Variants in NALCN observed in about 807,000 individuals in gnomAD.
The protein encoded by NALCN is sodium leak channel, non-selective, also known as sodium leak channel NALCN.
A neutral mutation model predicts 225.3 loss-of-function variants in NALCN; 111 were observed. That is an observed-to-expected ratio of 0.49 (90% CI 0.42 to 0.58). The LOEUF (loss-of-function observed/expected upper bound fraction) is 0.58, where lower values mean the gene tolerates loss of function less well. NALCN is among the 20% of genes least tolerant of loss of function. The probability of loss-of-function intolerance (pLI) is 0.00; values close to 1 mark genes in which losing one functional copy is unlikely to be tolerated. For missense variants in NALCN, 1,378 were observed against 2,202.4 expected, an observed-to-expected ratio of 0.63 and a Z score of 7.49; for synonymous variants, 764 against 769.0, an observed-to-expected ratio of 0.99 and a Z score of 0.11.
intron 6 of NALCN, among the ~76,000 whole-genome samples, 174 bp from the exon 7 acceptor site, chr13:101,345,594 G>A (rs1392593369): frequency 1.3e-5 from 2 of 151,612 alleles, no homozygotes; most frequent in South Asian, 2.1e-4. Context: ...GAGCCCAGGG[G>A]TTCGAGGTTG....
chr13:101,081,908 C>T lies in NALCN; in HGVS notation c.3766-262G>A, dbSNP rs1419765895. Among the ~76,000 whole-genome samples the T allele has an allele frequency of 3.3e-5, 5 of 152,068 alleles. No individual in the cohort carries two copies. In the South Asian group the frequency reaches 6.2e-4, roughly 19 times the overall value. The stretch of plus-strand genomic sequence containing the variant: ...ATTATTATTTTTTGAGACTGAGTCT[C>T]GCTCTGTCACCCAGGCTGGAGTGCA... On this transcript the variant is annotated intron_variant, in intron 33 of 43. Transcript: ENST00000251127.
chr13:101,110,806 G>T, intron 19 of NALCN, 118 bp from the exon 20 acceptor site: 2 of 1,012,876 alleles, frequency 2.0e-6, no homozygotes. Flanking sequence ...AAATGCCTAT[G>T]ATTTCTTTTC....
chr13:101,161,626 C>T (rs2139869300), intron 15 of NALCN, among the ~76,000 whole-genome samples: 1 of 152,286 alleles, frequency 6.6e-6, no homozygotes, highest in Non-Finnish European at 1.5e-5. Flanking sequence ...AATCCCAGCA[C>T]TTTGGGAGGC....
chr13:101,283,465 A>C (rs2043235943), intron 10 of NALCN, among the ~76,000 whole-genome samples: 1 of 152,136 alleles, frequency 6.6e-6, no homozygotes, highest in Non-Finnish European at 1.5e-5. Context: ...CCCCACCTGC[A>C]ATCCTTATGT....
chr13:101,213,009 A>G (rs1215672979), intron 13 of NALCN, among the ~76,000 whole-genome samples: 1 of 152,202 alleles, frequency 6.6e-6, no homozygotes, highest in Non-Finnish European at 1.5e-5. Context: ...AGCCAAAAGA[A>G]CAAAGCTGGA....
intron 28 of NALCN, 38 bp from the exon 29 acceptor site, chr13:101,090,004 A>G: frequency 6.2e-7 from 1 of 1,612,766 alleles, no homozygotes; most frequent in South Asian, 1.1e-5. Flanking sequence ...TGAAATTCCA[A>G]TAAGCAGCAC....
At chr13:101,197,058 A>T (rs1405417987) in intron 13 of NALCN, among the ~76,000 whole-genome samples, 1 of 152,148 alleles carries the variant, frequency 6.6e-6, no homozygotes, top group Non-Finnish European at 1.5e-5. Context: ...TGAAAAAAAT[A>T]AAAATGGTGA....
chr13:101,332,878 G>A (rs1488929516), intron 7 of NALCN, among the ~76,000 whole-genome samples: 1 of 152,134 alleles, frequency 6.6e-6, no homozygotes, highest in Non-Finnish European at 1.5e-5. Context: ...CTGTACACAC[G>A]CACACACTCA....
chr13:101,290,257 A>G (rs968364784), intron 9 of NALCN, among the ~76,000 whole-genome samples: 1 of 152,152 alleles, frequency 6.6e-6, no homozygotes, highest in African/African-American at 2.4e-5. Flanking sequence ...CTGTGATTTT[A>G]TACGTGAGAG....
intron 14 of NALCN, among the ~76,000 whole-genome samples, chr13:101,178,655 A>G (rs895041092): frequency 5.3e-5 from 8 of 152,198 alleles, no homozygotes; most frequent in African/African-American, 1.7e-4. Context: ...CGGAAATATG[A>G]GAAGTTTTAA....
intron 7 of NALCN, among the ~76,000 whole-genome samples, chr13:101,337,918 T>C (rs79414268): frequency 0.02 from 3,098 of 152,282 alleles, 114 homozygotes; most frequent in African/African-American, 0.071. Context: ...CATTCTTGCT[T>C]ATCTCATTCT....
intron 18 of NALCN, among the ~76,000 whole-genome samples, 168 bp downstream of exon 18, chr13:101,124,440 A>G (rs1195765749): frequency 1.3e-5 from 2 of 152,212 alleles, no homozygotes; most frequent in Admixed American, 1.3e-4. Context: ...TAGAAATGAC[A>G]TCAATATGTC....
At chr13:101,244,601 T>C (rs1440446264) in intron 11 of NALCN, among the ~76,000 whole-genome samples, 1 of 152,210 alleles carries the variant, frequency 6.6e-6, no homozygotes, top group East Asian at 1.9e-4. Flanking sequence ...GAAATATTCA[T>C]GCCAAAGTGA....
Position 101,104,345 on chromosome 13 carries a change from T to C in NALCN, c.2839A>G (p.Thr947Ala), listed in dbSNP as rs373859316. The C allele has an allele frequency of 3.1e-6, 5 of 1,613,702 alleles. No homozygotes were observed. Among genetic ancestry groups the C allele is most frequent in the Non-Finnish European group, 4.2e-6 (5 of 1,179,820 alleles). Residue 947 changes from threonine (T) to alanine (A), a missense_variant, in exon 25 of 44, where the codon ACT becomes GCT. Thr to Ala is a moderately conservative substitution (Grantham distance 58, BLOSUM62 0). Coordinates refer to ENST00000251127, the MANE Select transcript of NALCN (RefSeq NM_052867.4). This position sits in a 1 kb window ranked among gnomAD's most constrained non-coding sequence, Gnocchi z 4.2. ...IMADGLFFTP[T>A]AVIRDFGGVM... ...CCACCGAAGTCCCTGATGACAGCAG[T>C]TGGAGTGAAAAATAAGCCATCTGCC...
At chr13:101,079,861 T>G (rs2033509791) in intron 34 of NALCN, among the ~76,000 whole-genome samples, 1 of 152,190 alleles carries the variant, frequency 6.6e-6, no homozygotes, top group South Asian at 2.1e-4. Context: ...ACTATGTTCA[T>G]GAGCACAGCG....
At chr13:101,340,223 G>T (rs2045512912) in intron 7 of NALCN, among the ~76,000 whole-genome samples, 1 of 150,522 alleles carries the variant, frequency 6.6e-6, no homozygotes, top group Admixed American at 6.6e-5. Context: ...AGCCAAAATT[G>T]TGCCACTGCA....
chr13:101,362,913 C>T (rs746551482), intron 6 of NALCN, among the ~76,000 whole-genome samples: 71 of 151,932 alleles, frequency 4.7e-4, no homozygotes, highest in Non-Finnish European at 7.2e-4. Flanking sequence ...AACCAACATA[C>T]AAAAATTAAT....
chr13:101,075,829 C>T (rs1268837157), intron 35 of NALCN, 44 bp downstream of exon 35: 1 of 1,506,374 alleles, frequency 6.6e-7, no homozygotes, highest in South Asian at 1.2e-5. Context: ...CTTTCATTAA[C>T]ACATATATGA....
rs970603362 is a variant in NALCN, at chr13:101,111,258, C to T, written c.2193-32G>A. On this transcript the variant is annotated intron_variant, in intron 18 of 43. Coordinates refer to ENST00000251127, the MANE Select transcript of NALCN (RefSeq NM_052867.4). ...AAAAAAAAGGAGCCCAAGATAAATG[C>T]ATGGTTTGTACACTTGAGATGAATA... 5.8e-6 allele frequency: 9 copies of T among 1,557,816 alleles called. No homozygotes were observed. The Admixed American group carries it at 6.8e-5, about 12-fold the overall frequency.
Sources: gnomAD v4.1 joint callset for allele counts (sites outside exome capture counted in the v4.1 genomes callset) on GRCh38, gnomAD v4.1.1 for gene constraint, Gnocchi (gnomAD v3.1) non-coding constraint, MANE v1.5 for transcripts, NCBI Gene and HGNC (gene_info 2026-07-23, HGNC 2026-07-21) for gene names.